Variants in USP9Y observed in about 807,000 individuals in gnomAD.
USP9Y encodes ubiquitin specific peptidase 9 Y-linked.
USP9Y carries 41 observed loss-of-function variants against 53.1 expected under a neutral mutation model. The ratio of observed to expected loss-of-function variants is 0.77; its 90% CI spans 0.60 to 1.00. USP9Y has a LOEUF of 1.00. Ranked by LOEUF, USP9Y falls within the 50% of genes least tolerant of loss-of-function variation. The probability of loss-of-function intolerance (pLI) is 0.00; values close to 1 mark genes in which losing one functional copy is unlikely to be tolerated. For missense variants in USP9Y, 567 were observed against 535.8 expected (o/e 1.06, Z -0.58); for synonymous variants, 220 against 173.7 (o/e 1.27, Z -2.09).
At chrY:12,780,545 G>T (rs2053497778) in intron 22 of USP9Y, among the ~76,000 whole-genome samples, 1 of 33,109 alleles carries the variant, frequency 3.0e-5, no homozygotes, top group Non-Finnish European at 7.4e-5. Flanking sequence ...TTTTCTGAAT[G>T]CACCTAAACT....
chrY:12,774,217 C>T, intron 17 of USP9Y, among the ~76,000 whole-genome samples: 2 of 32,912 alleles, frequency 6.1e-5, no homozygotes, highest in African/African-American at 2.4e-4. Context: ...AATCCCAGCA[C>T]TTTGGGAGGC....
chrY:12,756,102 T>C, intron 12 of USP9Y, among the ~76,000 whole-genome samples: 1 of 33,026 alleles, frequency 3.0e-5, no homozygotes, highest in African/African-American at 1.2e-4. Flanking sequence ...TGCTGGCTCT[T>C]TGTTATTGTC....
chrY:12,830,438 A>C (rs1025606692), intron 33 of USP9Y, among the ~76,000 whole-genome samples: 6 of 33,877 alleles, frequency 1.8e-4, no homozygotes, highest in Non-Finnish European at 2.9e-4. Context: ...TATGTGCATG[A>C]TTCAACAAGT....
At chrY:12,830,892 CAA>C (rs2053550248) in intron 33 of USP9Y, among the ~76,000 whole-genome samples, 1 of 33,840 alleles carries the variant, frequency 3.0e-5, no homozygotes, top group Non-Finnish European at 7.3e-5. Flanking sequence ...TAGCAGAATG[CAA>C]AGTCTCACAA....
intron 12 of USP9Y, among the ~76,000 whole-genome samples, chrY:12,755,289 G>A (rs546673662): frequency 1.0e-4 from 3 of 29,718 alleles, no homozygotes; most frequent in African/African-American, 4.0e-4. Context: ...CTCAGCCTAC[G>A]AAGCAGCTGG....
intron 27 of USP9Y, among the ~76,000 whole-genome samples, chrY:12,797,384 C>T: frequency 3.0e-5 from 1 of 32,898 alleles, no homozygotes; most frequent in Admixed American, 2.8e-4. Flanking sequence ...TCCAGAAAGG[C>T]GGGACAACTC....
chrY:12,752,586 T>G (rs750318209), intron 12 of USP9Y, among the ~76,000 whole-genome samples: 45 of 33,102 alleles, frequency 1.4e-3, no homozygotes, highest in Middle Eastern at 0.014. Flanking sequence ...TCTTGCCTCA[T>G]TATGTTGGTT....
Position 12,720,621 on chromosome Y carries a change from C to T in USP9Y, c.129C>T (p.Ser43=). The T allele has an allele frequency of 2.5e-6, 1 of 396,336 alleles. No individual in the cohort carries two copies. The highest frequency in any genetic ancestry group is 3.5e-6 in the Non-Finnish European group (1 of 282,001). ...TSSPDSSNEN[S]VATPPPEEQG... is the part of the protein sequence containing the mutation. ...CACCTGATTCTTCCAATGAGAATTC[C>T]GTAGCAACTCCTCCTCCAGAGGAAC... The change falls in exon 4 of 46, where the codon TCC becomes TCT. Residue 43 remains serine, a synonymous_variant. Transcript: ENST00000338981.
At chrY:12,718,738 T>A in intron 3 of USP9Y, among the ~76,000 whole-genome samples, 1 of 33,476 alleles carries the variant, frequency 3.0e-5, no homozygotes, top group Non-Finnish European at 7.4e-5. Flanking sequence ...AGTCCTCCCA[T>A]CTTCACCTCC....
At chrY:12,763,707 G>T (rs2053477799) in intron 15 of USP9Y, among the ~76,000 whole-genome samples, 1 of 14,141 alleles carries the variant, frequency 7.1e-5, no homozygotes, top group Non-Finnish European at 1.3e-4. Context: ...GGTTCCTACT[G>T]TCTGACCCAG....
intron 27 of USP9Y, among the ~76,000 whole-genome samples, chrY:12,803,995 G>A: frequency 3.0e-5 from 1 of 33,696 alleles, no homozygotes. Context: ...GAAGTTGTGT[G>A]GAGAAACTGC....
At chrY:12,833,910 T>A (rs745776233) in intron 34 of USP9Y, 49 bp downstream of exon 34, 6 of 343,118 alleles carry the variant, frequency 1.7e-5, no homozygotes, top group South Asian at 1.7e-4. Flanking sequence ...GTTTTTTTTT[T>A]AATAATAGTG....
At chrY:12,825,595 G>C in intron 33 of USP9Y, among the ~76,000 whole-genome samples, 1 of 33,022 alleles carries the variant, frequency 3.0e-5, no homozygotes, top group African/African-American at 1.2e-4. Context: ...CTAGATGCAA[G>C]CCATTAAGGA....
At chrY:12,797,904 A>G in intron 27 of USP9Y, among the ~76,000 whole-genome samples, 1 of 33,415 alleles carries the variant, frequency 3.0e-5, no homozygotes, top group Non-Finnish European at 7.4e-5. Flanking sequence ...GACCCTTTAG[A>G]CAGGAATTTG....
chrY:12,848,090 C>T, intron 42 of USP9Y, among the ~76,000 whole-genome samples: 1 of 33,821 alleles, frequency 3.0e-5, no homozygotes, highest in Non-Finnish European at 7.3e-5. Flanking sequence ...ACACTCTCAA[C>T]AACAGTGTAA....
chrY:12,781,542 C>G, intron 22 of USP9Y, among the ~76,000 whole-genome samples: 1 of 33,389 alleles, frequency 3.0e-5, no homozygotes, highest in Non-Finnish European at 7.4e-5. Context: ...GCATCTGACC[C>G]CAAGTAAAAC....
At chrY:12,791,291 C>T in intron 25 of USP9Y, among the ~76,000 whole-genome samples, 1 of 32,908 alleles carries the variant, frequency 3.0e-5, no homozygotes, top group Non-Finnish European at 7.5e-5. Context: ...CTGTGTCTTC[C>T]GTTCATATGG....
chrY:12,759,755 C>T (rs2053473229), intron 14 of USP9Y, among the ~76,000 whole-genome samples: 1 of 32,176 alleles, frequency 3.1e-5, no homozygotes, highest in Non-Finnish European at 7.5e-5. Context: ...TATCAGATGA[C>T]GATTAATCAA....
At chrY:12,815,409 G>A (rs781100359) in intron 31 of USP9Y, among the ~76,000 whole-genome samples, 110 of 33,408 alleles carry the variant, frequency 3.3e-3, no homozygotes, top group Non-Finnish European at 6.5e-3. Flanking sequence ...TGTATTTTTA[G>A]TACAGACATG....
Sources: gnomAD v4.1 joint callset for allele counts (sites outside exome capture counted in the v4.1 genomes callset) on GRCh38, gnomAD v4.1.1 for gene constraint, MANE v1.5 for transcripts, NCBI Gene and HGNC (gene_info 2026-07-23, HGNC 2026-07-21) for gene names.